The following ABCB5 variants were observed in gnomAD, a reference collection of about 807,000 sequenced individuals.
The protein encoded by ABCB5 is ATP binding cassette subfamily B member 5, also known as ATP-binding cassette sub-family B member 5.
ABCB5 carries 155 observed loss-of-function variants against 144.2 expected under a neutral mutation model. The ratio of observed to expected loss-of-function variants is 1.08; its 90% CI spans 0.94 to 1.23. The LOEUF (loss-of-function observed/expected upper bound fraction) is 1.23. Ranked by LOEUF, ABCB5 falls within the 50% of genes most tolerant of loss-of-function variation. ABCB5 has a pLI of 0.00. For missense variants in ABCB5, 1,830 were observed against 1,520.8 expected, an observed-to-expected ratio of 1.20 and a Z score of -3.38; for synonymous variants, 610 against 528.6, an observed-to-expected ratio of 1.15 and a Z score of -2.11.
At chr7:20,744,125 C>T (rs1231464240) in intron 25 of ABCB5, among the ~76,000 whole-genome samples, 1 of 152,040 alleles carries the variant, frequency 6.6e-6, no homozygotes, top group African/African-American at 2.4e-5. Context: ...AGTACAGTGG[C>T]GTGATCTCTG....
intron 26 of ABCB5, 21 bp downstream of exon 26, chr7:20,745,459 T>C: frequency 6.2e-7 from 1 of 1,612,786 alleles, no homozygotes; most frequent in Non-Finnish European, 8.5e-7. Flanking sequence ...TTCTGAAATC[T>C]TGAATTATAA....
chr7:20,667,374 A>C, intron 14 of ABCB5: 1 of 985,442 alleles, frequency 1.0e-6, no homozygotes, highest in Non-Finnish European at 1.2e-6. Context: ...TAACAATATA[A>C]ACCTGTATCA....
intron 21 of ABCB5, among the ~76,000 whole-genome samples, chr7:20,725,483 G>A (rs961563520): frequency 1.3e-5 from 2 of 152,206 alleles, no homozygotes; most frequent in Admixed American, 1.3e-4. Flanking sequence ...GGAGGCTAAG[G>A]CAGGAGAATC....
At position 20,700,141 on chromosome 7, in the gene ABCB5, T is replaced by C. The variant is rs1786569248; in HGVS notation, c.2337+6T>C. 6.5e-7 allele frequency: 1 copy of C among 1,549,626 alleles called. No homozygotes were observed. Among genetic ancestry groups the C allele is most frequent in the Non-Finnish European group, 8.6e-7 (1 of 1,157,114 alleles). ...TCAAAGCCATGTTATATCAGGTCAG[T>C]GATAAGTTGATTTTTTTTTTATTTT... On this transcript the variant is annotated splice_donor_region_variant and intron_variant, in intron 19 of 27. Transcript: ENST00000404938.
intron 23 of ABCB5, among the ~76,000 whole-genome samples, chr7:20,732,827 G>A (rs752689668): frequency 3.9e-5 from 6 of 152,208 alleles, no homozygotes; most frequent in Admixed American, 2.0e-4. Flanking sequence ...TTTCTCAGTC[G>A]AAGAATGATA....
chr7:20,714,059 C>T (rs1781587422), intron 20 of ABCB5, among the ~76,000 whole-genome samples: 1 of 152,160 alleles, frequency 6.6e-6, no homozygotes, highest in African/African-American at 2.4e-5. Context: ...GCCACCTCTG[C>T]CCGTGGTTGC....
At chr7:20,754,132 A>G (rs554432948) in intron 27 of ABCB5, among the ~76,000 whole-genome samples, 7 of 152,354 alleles carry the variant, frequency 4.6e-5, no homozygotes, top group East Asian at 1.9e-4. Flanking sequence ...ATTACATGCT[A>G]TTATCTCAGT....
chr7:20,755,715 C>T lies in ABCB5; in HGVS notation c.*91C>T, dbSNP rs1783069899. 11 of 1,138,004 alleles carry T rather than the reference C, an allele frequency of 9.7e-6. No homozygotes were observed. Among genetic ancestry groups the T allele is most frequent in the Non-Finnish European group, 1.4e-5 (11 of 782,868 alleles). 70.5% of individuals were successfully genotyped at this position (1,138,004 alleles called of 1,614,324 possible). A position where few individuals can be genotyped will look rare whatever the true frequency, so the allele number is the denominator to read the frequency against. On this transcript the variant is annotated 3_prime_UTR_variant, in exon 28 of 28. Transcript: ENST00000404938. ...TGGCAAGCTTTGATCTCTTTTATTG[C>T]ATATATCAATACCTAGAATCATGCT...
At chr7:20,728,185 C>T in intron 22 of ABCB5, 130 bp from the exon 23 acceptor site, 2 of 1,093,646 alleles carry the variant, frequency 1.8e-6, no homozygotes, top group Non-Finnish European at 1.3e-6. Flanking sequence ...CTTTCTCTTT[C>T]ATCATTCGAA....
chr7:20,685,566 A>G (rs1785966116), intron 15 of ABCB5, 130 bp from the exon 16 acceptor site: 1 of 760,716 alleles, frequency 1.3e-6, no homozygotes, highest in Non-Finnish European at 2.0e-6. Context: ...AAAGCTGTTC[A>G]GCAAGAACTA....
chr7:20,664,042 AAG>A (rs1358559409), intron 14 of ABCB5, among the ~76,000 whole-genome samples: 13 of 147,406 alleles, frequency 8.8e-5, no homozygotes, highest in South Asian at 2.2e-4. Context: ...TTTTACCAAA[AAG>A]AGAGAGAGAG....
chr7:20,731,038 T>C (rs371964044), intron 23 of ABCB5, among the ~76,000 whole-genome samples: 1 of 150,168 alleles, frequency 6.7e-6, no homozygotes, highest in Non-Finnish European at 1.5e-5. Context: ...ACTCTTTCTT[T>C]GCTTTGTAAT....
At chr7:20,735,183 G>A (rs1782345214) in intron 23 of ABCB5, among the ~76,000 whole-genome samples, 1 of 152,194 alleles carries the variant, frequency 6.6e-6, no homozygotes, top group African/African-American at 2.4e-5. Flanking sequence ...AAAAGCCACA[G>A]CTTTGAAAAC....
At chr7:20,750,720 G>A (rs1291207052) in intron 26 of ABCB5, among the ~76,000 whole-genome samples, 1 of 152,184 alleles carries the variant, frequency 6.6e-6, no homozygotes, top group Admixed American at 6.5e-5. Context: ...TAACTCCAAC[G>A]GTTTCGGTAA....
intron 26 of ABCB5, among the ~76,000 whole-genome samples, chr7:20,751,465 C>A (rs765516273): frequency 6.6e-6 from 1 of 151,330 alleles, no homozygotes; most frequent in Admixed American, 6.6e-5. Flanking sequence ...AGCGAGACTC[C>A]GTAAAAAAAT....
chr7:20,656,559 G>A (rs1356496983), intron 13 of ABCB5, among the ~76,000 whole-genome samples: 2 of 152,114 alleles, frequency 1.3e-5, no homozygotes, highest in Non-Finnish European at 2.9e-5. Context: ...ACGATAATGA[G>A]ATACCATTTT....
intron 16 of ABCB5, 152 bp downstream of exon 16, chr7:20,685,988 G>A (rs1785982298): frequency 1.3e-5 from 11 of 819,032 alleles, no homozygotes; most frequent in Admixed American, 1.1e-4. Flanking sequence ...TCTAGCATCA[G>A]TGTGTCACTC....
intron 9 of ABCB5, 166 bp from the exon 10 acceptor site, chr7:20,647,369 T>A: frequency 7.4e-7 from 1 of 1,349,208 alleles, no homozygotes; most frequent in Non-Finnish European, 9.5e-7. Flanking sequence ...TTGGCTAAGA[T>A]CAAGTGTAAT....
rs1219722650 is a variant in ABCB5, at chr7:20,626,548, A to C, written c.54-9A>C. 1.9e-6 allele frequency: 3 copies of C among 1,602,204 alleles called. No individual in the cohort carries two copies. The highest frequency in any genetic ancestry group is 2.6e-6 in the Non-Finnish European group (3 of 1,174,238). On this transcript the variant is annotated splice_polypyrimidine_tract_variant and intron_variant, in intron 2 of 27. Transcript: ENST00000404938. ...TGTAACTGCTGCATTTTGAACTTTT[A>C]TTTTCCAGAACTGCAGAAGAACAGC...
Sources: gnomAD v4.1 joint callset for allele counts (sites outside exome capture counted in the v4.1 genomes callset) on GRCh38, gnomAD v4.1.1 for gene constraint, MANE v1.5 for transcripts, NCBI Gene and HGNC (gene_info 2026-07-23, HGNC 2026-07-21) for gene names.